Variants in ZNF510 observed in about 807,000 individuals in gnomAD.
ZNF510 encodes zinc finger protein 510.
A neutral mutation model predicts 18.1 loss-of-function variants in ZNF510; 15 were observed. The ratio of observed to expected loss-of-function variants is 0.83; its 90% CI spans 0.55 to 1.28. The LOEUF (loss-of-function observed/expected upper bound fraction) is 1.28, where lower values mean the gene tolerates loss of function less well. ZNF510 is among the 50% of genes most tolerant of loss of function. The probability of loss-of-function intolerance (pLI) is 0.00; values close to 1 mark genes in which losing one functional copy is unlikely to be tolerated. For synonymous variants in ZNF510, 261 were observed against 266.4 expected (o/e 0.98, Z 0.20); for missense variants, 724 against 791.8 (o/e 0.91, Z 1.03).
chr9:96,766,148 G>A, intron 3 of ZNF510, among the ~76,000 whole-genome samples: 1 of 152,090 alleles, frequency 6.6e-6, no homozygotes, highest in Non-Finnish European at 1.5e-5. Flanking sequence ...CATTACTACT[G>A]AGAATTATGA....
chr9:96,761,675 A>G (rs1849351837), intron 5 of ZNF510, among the ~76,000 whole-genome samples: 1 of 152,186 alleles, frequency 6.6e-6, no homozygotes, highest in Non-Finnish European at 1.5e-5. Flanking sequence ...TCAACAATAT[A>G]TGAATTCCTA....
In ZNF510 at chr9:96,759,039, C is replaced by T; in HGVS notation, c.1791G>A (p.Glu597=). 1 of 1,613,818 alleles carries T rather than the reference C, an allele frequency of 6.2e-7. No homozygotes were observed. The highest frequency in any genetic ancestry group is 8.5e-7 in the Non-Finnish European group (1 of 1,179,948). Residue 597 remains glutamate (E), a synonymous_variant, in exon 6 of 6, where the codon GAG becomes GAA. Transcript: ENST00000223428. ...LRVHQRIHTG[E]KPFKCNECGK... is the part of the protein sequence containing the mutation. ...CACATTCATTACATTTAAATGGTTTCTCCCCAGTGTGAATTCTTTGATGCA... is the reference window on the plus strand; with the variant it reads ...CACATTCATTACATTTAAATGGTTTTTCCCCAGTGTGAATTCTTTGATGCA...
rs148349159 is a variant in ZNF510, at chr9:96,759,926, T to C, written c.904A>G (p.Thr302Ala). The change falls in exon 6 of 6, where the codon ACT becomes GCT. Residue 302 changes from threonine (T) to alanine (A), a missense_variant. Physicochemically the swap from Thr to Ala is moderately conservative, Grantham distance 58. Coordinates refer to ENST00000223428, the MANE Select transcript of ZNF510 (RefSeq NM_014930.3). Reference protein sequence around the residue: ...DKKTLFDHRRTGTGKKHLHLN... With the variant: ...DKKTLFDHRRAGTGKKHLHLN... Reference sequence around the variant, plus strand: ...TGCAGGTGTTTCTTCCCTGTGCCAGTTCTCCTGTGGTCAAAGAGAGTTTTC... The same window carrying C: ...TGCAGGTGTTTCTTCCCTGTGCCAGCTCTCCTGTGGTCAAAGAGAGTTTTC... The C allele has an allele frequency of 1.4e-5, 23 of 1,613,454 alleles. No homozygotes were observed. The highest frequency in any genetic ancestry group is 1.9e-5 in the Non-Finnish European group (22 of 1,179,980).
chr9:96,759,125 C>G lies in ZNF510; in HGVS notation c.1705G>C (p.Glu569Gln). 6.2e-7 allele frequency: 1 copy of G among 1,614,114 alleles called. No homozygotes were observed. Among genetic ancestry groups the G allele is most frequent in the Non-Finnish European group, 8.5e-7 (1 of 1,180,010 alleles). Reference sequence around the variant, plus strand: ...CATTCGTTACATTTGAATGGTTTCTCTCCCGTGTGAGTTTTCTGATGTTGA... The same window carrying G: ...CATTCGTTACATTTGAATGGTTTCTGTCCCGTGTGAGTTTTCTGATGTTGA... ...LIQHQKTHTG[E>Q]KPFKCNECGK... Residue 569 changes from glutamate to glutamine, a missense_variant, in exon 6 of 6, where the codon GAG becomes CAG. Coordinates refer to ENST00000223428, the MANE Select transcript of ZNF510 (RefSeq NM_014930.3).
chr9:96,775,208 C>T (rs1849669137), intron 2 of ZNF510, among the ~76,000 whole-genome samples: 1 of 151,982 alleles, frequency 6.6e-6, no homozygotes, highest in African/African-American at 2.4e-5. Flanking sequence ...CAAAGGCACC[C>T]ACCACTACAC....
chr9:96,762,625 C>T (rs1174347523), intron 5 of ZNF510, among the ~76,000 whole-genome samples: 1 of 152,112 alleles, frequency 6.6e-6, no homozygotes, highest in African/African-American at 2.4e-5. Context: ...ATATCCTCAC[C>T]AAGACTTGGC....
In ZNF510 at chr9:96,756,201, C is replaced by T. The variant is rs1446993689; in HGVS notation, c.*2577G>A. The stretch of plus-strand genomic sequence containing the variant: ...CAAATATCTAGGCCACATCCAGAGC[C>T]AAGGCTTAACAAAAATGTAACATGG... On this transcript the variant is annotated 3_prime_UTR_variant, in exon 6 of 6. Transcript: ENST00000223428. The T allele has an allele frequency of 6.6e-6, 1 of 152,106 alleles. No individual in the cohort carries two copies. The highest frequency in any genetic ancestry group is 1.5e-5 in the Non-Finnish European group (1 of 68,038). 9.4% of individuals were successfully genotyped at this position (152,106 alleles called of 1,614,324 possible). A position where few individuals can be genotyped will look rare whatever the true frequency, so the allele number is the denominator to read the frequency against.
Position 96,757,881 on chromosome 9 carries a change from A to G in ZNF510, c.*897T>C, listed in dbSNP as rs1029011008. The G allele has an allele frequency of 1.3e-5, 2 of 152,208 alleles. No homozygotes were observed. Among genetic ancestry groups the G allele is most frequent in the East Asian group, 3.8e-4 (2 of 5,196 alleles). The allele number at this position is 152,208 out of a possible 1,614,324, so 9.4% of individuals were successfully genotyped here. ...CTGTCATACCCTGACAGGTGATCTG[A>G]TAACTAAAATGTCAAGTAAGTGACT... On this transcript the variant is annotated 3_prime_UTR_variant, in exon 6 of 6. Transcript: ENST00000223428.
At chr9:96,770,849 T>TA (rs1321523278) in intron 3 of ZNF510, among the ~76,000 whole-genome samples, 1 of 152,106 alleles carries the variant, frequency 6.6e-6, no homozygotes, top group Non-Finnish European at 1.5e-5. Context: ...ACAAATATAC[T>TA]AAAAACCACA....
At chr9:96,774,885 C>A (rs373348437) in intron 2 of ZNF510, 39 bp from the exon 3 acceptor site, 708 of 1,579,342 alleles carry the variant, frequency 4.5e-4, no homozygotes, top group Non-Finnish European at 4.6e-4. Flanking sequence ...TCTGGGCAGC[C>A]TCCATCTTAC....
chr9:96,763,607 G>A lies in ZNF510; in HGVS notation c.155C>T (p.Thr52Ile). 1.2e-6 allele frequency: 2 copies of A among 1,613,230 alleles called. No homozygotes were observed. The highest frequency in any genetic ancestry group is 2.2e-5 in the South Asian group (2 of 90,962). The change falls in exon 4 of 6, where the codon ACT (threonine) becomes ATT (isoleucine). Residue 52 changes from threonine to isoleucine, a missense_variant. Thr to Ile is a moderately conservative substitution (Grantham distance 89). Transcript: ENST00000223428. The stretch of plus-strand genomic sequence containing the variant: ...CCACTCCTCCTGGGTGAATTCTATA[G>A]TCACGTCCTTGAATGACACTGATGC... Reference protein sequence around the residue: ...SQASVSFKDVTIEFTQEEWQQ... With the variant: ...SQASVSFKDVIIEFTQEEWQQ...
rs931776610 is a variant in ZNF510, at chr9:96,755,308, A to G, written c.*3470T>C. Among the ~76,000 whole-genome samples the G allele has an allele frequency of 1.3e-5, 2 of 152,260 alleles. No homozygotes were observed. Reference sequence around the variant, plus strand: ...TCTTTCAGAAAGTGTCTTGAGTAAAAAAAGTTTAAAGACAGACTTGCTTTA... The same window carrying G: ...TCTTTCAGAAAGTGTCTTGAGTAAAGAAAGTTTAAAGACAGACTTGCTTTA... On this transcript the variant is annotated 3_prime_UTR_variant, in exon 6 of 6. Coordinates refer to ENST00000223428, the MANE Select transcript of ZNF510 (RefSeq NM_014930.3).
At chr9:96,774,883 G>C in intron 2 of ZNF510, 37 bp from the exon 3 acceptor site, 1 of 1,587,228 alleles carries the variant, frequency 6.3e-7, no homozygotes, top group Non-Finnish European at 8.6e-7. Flanking sequence ...GATCTGGGCA[G>C]CCTCCATCTT....
Position 96,759,928 on chromosome 9 carries a change from CTCCTGTGG to C in ZNF510, c.894_901del (p.Asp298GlufsTer12). Reference sequence around the variant, plus strand: ...CAGGTGTTTCTTCCCTGTGCCAGTTCTCCTGTGGTCAAAGAGAGTTTTCTTATCACAAT... The same window carrying C: ...CAGGTGTTTCTTCCCTGTGCCAGTTCTCAAAGAGAGTTTTCTTATCACAAT... On this transcript the variant is annotated frameshift_variant, in exon 6 of 6. Transcript: ENST00000223428. LOFTEE classifies it low-confidence loss of function (END_TRUNC). 1 of 1,613,354 alleles carries C rather than the reference CTCCTGTGG, an allele frequency of 6.2e-7. No homozygotes were observed. Among genetic ancestry groups the C allele is most frequent in the South Asian group, 1.1e-5 (1 of 91,078 alleles).
chr9:96,770,953 A>C (rs762347668), intron 3 of ZNF510, among the ~76,000 whole-genome samples: 7 of 152,214 alleles, frequency 4.6e-5, no homozygotes, highest in Non-Finnish European at 4.4e-5. Context: ...AAGTAGCACG[A>C]TTTGGATTTT....
rs1033483443 is a variant in ZNF510, at chr9:96,756,701, G to A, written c.*2077C>T. ...AAAAGAGCCCAAGAGTAAACTAACA[G>A]CTGCTTTTCAGAAGGGGTGGACCTG... is the stretch of plus-strand genomic sequence containing the variant. On this transcript the variant is annotated 3_prime_UTR_variant, in exon 6 of 6. Coordinates refer to ENST00000223428, the MANE Select transcript of ZNF510 (RefSeq NM_014930.3). 1 of 152,216 alleles carries A rather than the reference G, an allele frequency of 6.6e-6. No homozygotes were observed. Among genetic ancestry groups the A allele is most frequent in the Admixed American group, 6.5e-5 (1 of 15,272 alleles). 9.4% of individuals were successfully genotyped at this position (152,216 alleles called of 1,614,324 possible). A position where few individuals can be genotyped will look rare whatever the true frequency, so the allele number is the denominator to read the frequency against.
intron 2 of ZNF510, among the ~76,000 whole-genome samples, chr9:96,775,097 T>C (rs111629691): frequency 0.026 from 3,880 of 151,934 alleles, 194 homozygotes; most frequent in African/African-American, 0.089. Flanking sequence ...TCTGGCTCTG[T>C]TGCCCAGGCT....
Position 96,760,025 on chromosome 9 carries a change from A to G in ZNF510, c.805T>C (p.Cys269Arg). 6.2e-7 allele frequency: 1 copy of G among 1,612,764 alleles called. No homozygotes were observed. Residue 269 changes from cysteine (C) to arginine (R), a missense_variant, in exon 6 of 6, where the codon TGT becomes CGT. Physicochemically the swap from Cys to Arg is radical, Grantham distance 180. Coordinates refer to ENST00000223428, the MANE Select transcript of ZNF510 (RefSeq NM_014930.3). ...GTGTGAGAACTGTTATGTTTAACAC[A>G]GTTAGCCTTATCATTAAAGGCTTTT... is the stretch of plus-strand genomic sequence containing the variant. ...IGKAFNDKAN[C>R]VKHNSSHTGE...
At chr9:96,765,446 G>T (rs1490460640) in intron 3 of ZNF510, among the ~76,000 whole-genome samples, 1 of 151,912 alleles carries the variant, frequency 6.6e-6, no homozygotes, top group African/African-American at 2.4e-5. Context: ...CTGTAAATAA[G>T]TGTCCACTTC....
Sources: allele counts gnomAD v4.1 joint callset (sites outside exome capture counted in the v4.1 genomes callset), GRCh38; gene constraint gnomAD v4.1.1; transcripts MANE v1.5; gene names NCBI Gene and HGNC (gene_info 2026-07-23, HGNC 2026-07-21).